The following PLAGL1 variants were observed in gnomAD, a reference collection of about 807,000 sequenced individuals.
The protein encoded by PLAGL1 is zinc finger protein PLAGL1.
A neutral mutation model predicts 4.6 loss-of-function variants in PLAGL1; 1 was observed. The ratio of observed to expected loss-of-function variants is 0.22; its 90% CI spans 0.08 to 1.03. The LOEUF is 1.03. Ranked by LOEUF, PLAGL1 falls within the 50% of genes least tolerant of loss-of-function variation. The pLI, the probability that PLAGL1 is intolerant of heterozygous loss-of-function variation, is 0.58. For missense variants in PLAGL1, 464 were observed against 570.4 expected (o/e 0.81, Z 1.90); for synonymous variants, 240 against 237.8 (o/e 1.01, Z -0.08).
rs1212745790 is a variant in PLAGL1, at chr6:143,954,431, A to G, written c.-324-5971T>C. On this transcript the variant is annotated intron_variant, in intron 6 of 7. Coordinates refer to ENST00000674357, the MANE Select transcript of PLAGL1 (RefSeq NM_001317162.2). The surrounding 1 kb of genome is among the most constrained non-coding windows in gnomAD (Gnocchi z 5.1). Reference sequence around the variant, plus strand: ...CCAACAAAAAGGCAGTGGCAGTGCAAGACCCCAGGGGCTGGGACAGGCATT... The same window carrying G: ...CCAACAAAAAGGCAGTGGCAGTGCAGGACCCCAGGGGCTGGGACAGGCATT... Among the ~76,000 whole-genome samples the G allele has an allele frequency of 6.6e-6, 1 of 152,268 alleles. No individual in the cohort carries two copies. The highest frequency in any genetic ancestry group is 6.5e-5 in the Admixed American group (1 of 15,282).
chr6:144,009,670 C>A (rs140311290), upstream of PLAGL1, among the ~76,000 whole-genome samples: 475 of 152,118 alleles, frequency 3.1e-3, 4 homozygotes, highest in East Asian at 0.014. Flanking sequence ...ACCCCACTAG[C>A]CCCCCACTCC....
chr6:143,968,472 T>C lies in PLAGL1; in HGVS notation c.-472+435A>G, dbSNP rs532969376. The C allele has an allele frequency of 4.6e-5, 7 of 151,750 alleles. No individual in the cohort carries two copies. In the East Asian group the frequency reaches 9.7e-4, roughly 21 times the overall value. The allele number at this position is 151,750 out of a possible 1,614,324, so 9.4% of individuals were successfully genotyped here. ...GTGGACCCTACCTCAGTTTTTTTTT[T>C]CCTAATATTTCTTTAAGATAAAACC... On this transcript the variant is annotated intron_variant, in intron 3 of 7. Transcript: ENST00000674357. The surrounding 1 kb of genome is among the most constrained non-coding windows in gnomAD (Gnocchi z 6.3).
rs1795581440 is a variant in PLAGL1 at position 144,016,551 on chromosome 6, G to C, written c.-150-47573C>G. The stretch of plus-strand genomic sequence containing the variant: ...AAACGACACATGGTCCCATTCATAG[G>C]AAATTTTAGAAACACAAAATTATAG... On this transcript the variant is annotated intron_variant, in intron 1 of 3. Transcript: ENST00000437412. The surrounding 1 kb of genome is among the most constrained non-coding windows in gnomAD (Gnocchi z 4.2). 6.6e-6 allele frequency among the ~76,000 whole-genome samples: 1 copy of C among 152,160 alleles called. No homozygotes were observed. Among genetic ancestry groups the C allele is most frequent in the South Asian group, 2.1e-4 (1 of 4,826 alleles).
Position 143,959,736 on chromosome 6 carries a change from T to A in PLAGL1, c.-325+733A>T, listed in dbSNP as rs965947185. Among the ~76,000 whole-genome samples the A allele has an allele frequency of 1.9e-4, 29 of 152,236 alleles. No homozygotes were observed. The highest frequency in any genetic ancestry group is 7.0e-4 in the African/African-American group (29 of 41,460). On this transcript the variant is annotated intron_variant, in intron 6 of 7. Transcript: ENST00000674357. This position sits in a 1 kb window ranked among gnomAD's most constrained non-coding sequence, Gnocchi z 5.3. The stretch of plus-strand genomic sequence containing the variant: ...AAGTTTACTGCCCATCAGCATGGAC[T>A]AATGACATACTGCAAGTAATACACT...
intron 1 of PLAGL1, among the ~76,000 whole-genome samples, chr6:144,046,005 G>C (rs1798117272): frequency 6.6e-6 from 1 of 152,138 alleles, no homozygotes; most frequent in Admixed American, 6.6e-5. Flanking sequence ...GCGTCACATA[G>C]TTCTTGTGCC....
Position 144,044,768 on chromosome 6 carries a change from C to T in PLAGL1, c.-151+19700G>A, listed in dbSNP as rs189576634. Among the ~76,000 whole-genome samples, 289 of 152,158 alleles carry T rather than the reference C, an allele frequency of 1.9e-3. 1 individual carries two copies. Among genetic ancestry groups the T allele is most frequent in the South Asian group, 4.2e-3 (20 of 4,816 alleles). On this transcript the variant is annotated intron_variant, in intron 1 of 3. Coordinates refer to the PLAGL1 transcript ENST00000437412. ...CTCAATCTGTCTAATATTGACAGTGCGGTGTTAATGTCTCCCATCATTATT... is the reference window on the plus strand; with the variant it reads ...CTCAATCTGTCTAATATTGACAGTGTGGTGTTAATGTCTCCCATCATTATT...
At position 143,948,215 on chromosome 6, in the gene PLAGL1, G is replaced by A. The variant is rs1269601057; in HGVS notation, c.-79C>T. On this transcript the variant is annotated 5_prime_UTR_variant, in exon 7 of 8. Coordinates refer to ENST00000674357, the MANE Select transcript of PLAGL1 (RefSeq NM_001317162.2). This position sits in a 1 kb window ranked among gnomAD's most constrained non-coding sequence, Gnocchi z 6.0. The stretch of plus-strand genomic sequence containing the variant: ...ATTTAAGCACAAACAGAACGATGGT[G>A]CTGGGCACATCAGCAGAGTCCCTGC... 2 of 1,346,712 alleles carry A rather than the reference G, an allele frequency of 1.5e-6. No homozygotes were observed. Among genetic ancestry groups the A allele is most frequent in the East Asian group, 2.3e-5 (1 of 42,586 alleles). 83.4% of individuals were successfully genotyped at this position (1,346,712 alleles called of 1,614,324 possible).
chr6:143,951,376 A>AT (rs1313266076), intron 6 of PLAGL1, among the ~76,000 whole-genome samples: 1 of 152,234 alleles, frequency 6.6e-6, no homozygotes, highest in Non-Finnish European at 1.5e-5. Context: ...ATACTACACC[A>AT]TATCAATTAT....
chr6:144,027,723 T>A lies in PLAGL1; in HGVS notation c.-151+36745A>T, dbSNP rs1409615892. Among the ~76,000 whole-genome samples, 3 of 152,216 alleles carry A rather than the reference T, an allele frequency of 2.0e-5. No individual in the cohort carries two copies. The highest frequency in any genetic ancestry group is 7.2e-5 in the African/African-American group (3 of 41,448). On this transcript the variant is annotated intron_variant, in intron 1 of 3. Transcript: ENST00000437412. This position sits in a 1 kb window ranked among gnomAD's most constrained non-coding sequence, Gnocchi z 5.8. ...TGAAATGAGGTTATATATTTAAAAG[T>A]CTCTTTAGTGGGAAACACTTCGCTC...
At chr6:143,951,820 C>T (rs552243583) in intron 6 of PLAGL1, among the ~76,000 whole-genome samples, 10 of 152,300 alleles carry the variant, frequency 6.6e-5, no homozygotes, top group African/African-American at 2.4e-4. Context: ...CTTTGAGTTC[C>T]AGGTCTGTGT....
At chr6:143,943,050 T>TTTTTTTTTTTTTTTTTAAAA in intron 7 of PLAGL1, among the ~76,000 whole-genome samples, 1 of 147,430 alleles carries the variant, frequency 6.8e-6, no homozygotes, top group Admixed American at 6.8e-5. Context: ...TTTTTTTTTT[T>TTTTTTTTTTTTTTTTTAAAA]GAGACAAGGT....
intron 7 of PLAGL1, among the ~76,000 whole-genome samples, chr6:143,946,142 G>A (rs564557029): frequency 2.0e-5 from 3 of 152,206 alleles, no homozygotes; most frequent in South Asian, 2.1e-4. Flanking sequence ...GTCAGCCTTC[G>A]GTATACACAG....
In PLAGL1 at chr6:143,970,990, C is replaced by T. The variant is rs1463454300; in HGVS notation, c.-543-2012G>A. Among the ~76,000 whole-genome samples the T allele has an allele frequency of 2.0e-5, 3 of 152,142 alleles. No individual in the cohort carries two copies. The highest frequency in any genetic ancestry group is 4.4e-5 in the Non-Finnish European group (3 of 68,022). On this transcript the variant is annotated intron_variant, in intron 2 of 7. Transcript: ENST00000674357. This position sits in a 1 kb window ranked among gnomAD's most constrained non-coding sequence, Gnocchi z 5.8. Reference sequence around the variant, plus strand: ...CAGTTTGATTTCCTACATTTCCCTCCACTCTCTGCCTCTCCCTACTTTGGT... The same window carrying T: ...CAGTTTGATTTCCTACATTTCCCTCTACTCTCTGCCTCTCCCTACTTTGGT...
At chr6:144,008,632 G>C (rs1046715771), upstream of PLAGL1, 1 of 152,384 alleles carries the variant, frequency 6.6e-6, no homozygotes, top group African/African-American at 2.4e-5. The surrounding 1 kb of genome is among the most constrained non-coding windows in gnomAD (Gnocchi z 6.9). Flanking sequence ...TCTGCAGCGG[G>C]GCCTGCTAGC....
intron 1 of PLAGL1, among the ~76,000 whole-genome samples, chr6:144,023,133 AAAAGACTACATACTGT>A (rs1796091041): frequency 6.6e-6 from 1 of 152,250 alleles, no homozygotes; most frequent in African/African-American, 2.4e-5. Flanking sequence ...AGCAAGTTTG[AAAAGACTACATACTGT>A]ATGATTCCAT....
intron 1 of PLAGL1, among the ~76,000 whole-genome samples, chr6:144,028,468 G>A (rs1796538001): frequency 1.3e-5 from 2 of 152,160 alleles, no homozygotes; most frequent in African/African-American, 4.8e-5. Flanking sequence ...GGTGGGAGGG[G>A]AGCAGGGAAA....
At position 144,056,772 on chromosome 6, in the gene PLAGL1, C is replaced by G. The variant is rs959924352; in HGVS notation, c.-151+7696G>C. Among the ~76,000 whole-genome samples the G allele has an allele frequency of 1.3e-5, 2 of 152,146 alleles. No homozygotes were observed. Among genetic ancestry groups the G allele is most frequent in the Admixed American group, 1.3e-4 (2 of 15,274 alleles). On this transcript the variant is annotated intron_variant, in intron 1 of 3. Coordinates refer to the PLAGL1 transcript ENST00000437412. The surrounding 1 kb of genome is among the most constrained non-coding windows in gnomAD (Gnocchi z 4.7). ...CATGACCTCTTGGGCTCAAGTAATCCTCCCACATTAGCCTCTCAGGTAGGT... is the reference window on the plus strand; with the variant it reads ...CATGACCTCTTGGGCTCAAGTAATCGTCCCACATTAGCCTCTCAGGTAGGT...
chr6:144,026,453 A>G (rs551846815), intron 1 of PLAGL1, among the ~76,000 whole-genome samples: 2 of 152,356 alleles, frequency 1.3e-5, no homozygotes, highest in Middle Eastern at 3.4e-3. Flanking sequence ...ACACTTATTC[A>G]TTTATAATTT....
At position 143,995,395 on chromosome 6, in the gene PLAGL1, C is replaced by T. The variant is rs1258499528; in HGVS notation, c.-583-10221G>A. Among the ~76,000 whole-genome samples the T allele has an allele frequency of 1.3e-5, 2 of 151,638 alleles. No individual in the cohort carries two copies. Among genetic ancestry groups the T allele is most frequent in the African/African-American group, 4.8e-5 (2 of 41,256 alleles). On this transcript the variant is annotated intron_variant, in intron 1 of 7. Coordinates refer to ENST00000674357, the MANE Select transcript of PLAGL1 (RefSeq NM_001317162.2). The surrounding 1 kb of genome is among the most constrained non-coding windows in gnomAD (Gnocchi z 4.4). ...TTATGGTTTTTTGGGGGTTTTTTTG[C>T]TTTGCTTTGGAAAGGGGATAAATGT...
Sources: allele counts gnomAD v4.1 joint callset (sites outside exome capture counted in the v4.1 genomes callset), GRCh38; gene constraint gnomAD v4.1.1; non-coding constraint Gnocchi (gnomAD v3.1); transcripts MANE v1.5; gene names NCBI Gene and HGNC (gene_info 2026-07-23, HGNC 2026-07-21).